Variants in CORIN observed in about 807,000 individuals in gnomAD.
CORIN encodes the protein atrial natriuretic peptide-converting enzyme.
Under a neutral mutation model 125.3 loss-of-function variants are expected in CORIN, and 117 were observed. That is an observed-to-expected ratio of 0.93 (90% CI 0.80 to 1.09). The LOEUF (loss-of-function observed/expected upper bound fraction) is 1.09. CORIN is among the 50% of genes least tolerant of loss of function. The probability of loss-of-function intolerance (pLI) is 0.00; values close to 1 mark genes in which losing one functional copy is unlikely to be tolerated. For missense variants in CORIN, 1,253 were observed against 1,306.7 expected (o/e 0.96, Z 0.63); for synonymous variants, 450 against 466.4 (o/e 0.96, Z 0.45).
At chr4:47,747,695 A>G (rs1728721070) in intron 4 of CORIN, among the ~76,000 whole-genome samples, 1 of 152,182 alleles carries the variant, frequency 6.6e-6, no homozygotes, top group Non-Finnish European at 1.5e-5. Flanking sequence ...TTCTACAGGA[A>G]AGCCTCAGTC....
intron 5 of CORIN, among the ~76,000 whole-genome samples, chr4:47,701,953 A>G (rs978818360): frequency 5.3e-5 from 8 of 152,078 alleles, no homozygotes; most frequent in Non-Finnish European, 8.8e-5. Context: ...CATAATTTCA[A>G]ATTTCTAAAA....
At chr4:47,657,482 C>T (rs531618871) in intron 12 of CORIN, among the ~76,000 whole-genome samples, 10 of 141,374 alleles carry the variant, frequency 7.1e-5, no homozygotes, top group African/African-American at 1.8e-4. Context: ...TTGCAGTGAG[C>T]GGAGATCACG....
chr4:47,620,099 CTGTAATCTAATTACT>C (rs1337020101), intron 19 of CORIN, among the ~76,000 whole-genome samples: 1 of 152,148 alleles, frequency 6.6e-6, no homozygotes, highest in African/African-American at 2.4e-5. Context: ...CACTATCACA[CTGTAATCTAATTACT>C]TGTTTAAAAG....
At chr4:47,599,755 C>T (rs928195744) in intron 21 of CORIN, among the ~76,000 whole-genome samples, 5 of 152,132 alleles carry the variant, frequency 3.3e-5, no homozygotes, top group Non-Finnish European at 7.3e-5. Context: ...CAGAGGTAGT[C>T]CTGTCTCACA....
At chr4:47,834,587 T>G (rs769963143) in intron 1 of CORIN, among the ~76,000 whole-genome samples, 2 of 152,212 alleles carry the variant, frequency 1.3e-5, no homozygotes, top group African/African-American at 2.4e-5. Flanking sequence ...GCTAGGTGGG[T>G]AGATCTTATG....
chr4:47,803,346 A>G (rs543551052), intron 2 of CORIN, among the ~76,000 whole-genome samples: 1 of 152,328 alleles, frequency 6.6e-6, no homozygotes, highest in Non-Finnish European at 1.5e-5. Context: ...ATAGAAATAG[A>G]AAAAACAATT....
At chr4:47,785,920 A>G (rs1730776393) in intron 3 of CORIN, among the ~76,000 whole-genome samples, 1 of 151,884 alleles carries the variant, frequency 6.6e-6, no homozygotes. Flanking sequence ...AAAAAAAAAA[A>G]AAAAAAAAAA....
chr4:47,712,162 T>C (rs1726873685), intron 5 of CORIN, among the ~76,000 whole-genome samples: 1 of 152,208 alleles, frequency 6.6e-6, no homozygotes, highest in Non-Finnish European at 1.5e-5. Context: ...TTTGATCTTT[T>C]TATTATTACT....
chr4:47,654,754 C>T (rs973363270), intron 12 of CORIN, among the ~76,000 whole-genome samples: 1 of 152,138 alleles, frequency 6.6e-6, no homozygotes, highest in Admixed American at 6.5e-5. Flanking sequence ...ACAAGGACTG[C>T]AATTCTTGGG....
chr4:47,789,633 C>A (rs1181220049), intron 2 of CORIN, among the ~76,000 whole-genome samples: 4 of 152,280 alleles, frequency 2.6e-5, no homozygotes, highest in Middle Eastern at 3.4e-3. Flanking sequence ...TGACCAACTC[C>A]CAACACGGTT....
intron 19 of CORIN, among the ~76,000 whole-genome samples, chr4:47,611,688 G>T (rs1273519392): frequency 6.6e-6 from 1 of 152,242 alleles, no homozygotes; most frequent in Non-Finnish European, 1.5e-5. Flanking sequence ...CAAGGGGAAT[G>T]CTTCCAGTTT....
At chr4:47,753,017 G>C (rs1728973187) in intron 4 of CORIN, among the ~76,000 whole-genome samples, 1 of 152,136 alleles carries the variant, frequency 6.6e-6, no homozygotes, top group Non-Finnish European at 1.5e-5. Context: ...GGGGGAACCA[G>C]CCCCCAATAT....
intron 5 of CORIN, among the ~76,000 whole-genome samples, chr4:47,716,188 T>C (rs1727080467): frequency 6.6e-6 from 1 of 152,232 alleles, no homozygotes; most frequent in Non-Finnish European, 1.5e-5. Flanking sequence ...ATTGGGTTCA[T>C]TACATTGTAC....
At chr4:47,708,789 C>A (rs1300179787) in intron 5 of CORIN, among the ~76,000 whole-genome samples, 1 of 152,178 alleles carries the variant, frequency 6.6e-6, no homozygotes, top group South Asian at 2.1e-4. Flanking sequence ...TTATTTCGCT[C>A]ATTTCTCCTA....
At chr4:47,738,108 T>G (rs1456765366) in intron 5 of CORIN, among the ~76,000 whole-genome samples, 1 of 152,144 alleles carries the variant, frequency 6.6e-6, no homozygotes, top group East Asian at 1.9e-4. Context: ...GGGGAATTCC[T>G]GTAGGAAAAT....
At chr4:47,786,512 G>T (rs1040227609) in intron 3 of CORIN, among the ~76,000 whole-genome samples, 6 of 152,128 alleles carry the variant, frequency 3.9e-5, no homozygotes, top group African/African-American at 1.4e-4. Flanking sequence ...CTGCACTTCA[G>T]CCTGGGTGAC....
chr4:47,740,816 G>A (rs1728359694), intron 5 of CORIN, among the ~76,000 whole-genome samples: 1 of 151,942 alleles, frequency 6.6e-6, no homozygotes, highest in Non-Finnish European at 1.5e-5. Flanking sequence ...ATGGCCAATT[G>A]TTTTTTAACA....
chr4:47,761,123 G>T (rs902841170), intron 4 of CORIN, among the ~76,000 whole-genome samples: 4 of 152,176 alleles, frequency 2.6e-5, no homozygotes, highest in African/African-American at 7.2e-5. Context: ...CTAATCATTT[G>T]TGTGTTCACG....
At chr4:47,632,725 T>TTAGATAGATA (rs5858081) in intron 16 of CORIN, among the ~76,000 whole-genome samples, 1 of 126,658 alleles carries the variant, frequency 7.9e-6, no homozygotes, top group Non-Finnish European at 1.6e-5. Flanking sequence ...TGACAATAGA[T>TTAGATAGATA]GATAGATAGA....
Sources: gnomAD v4.1 joint callset for allele counts (sites outside exome capture counted in the v4.1 genomes callset) on GRCh38, gnomAD v4.1.1 for gene constraint, MANE v1.5 for transcripts, NCBI Gene and HGNC (gene_info 2026-07-23, HGNC 2026-07-21) for gene names.